RBFOX1: variants seen among roughly 807,000 people sequenced by gnomAD.
RBFOX1 encodes the protein RNA binding protein fox-1 homolog 1.
RBFOX1 carries 8 observed loss-of-function variants against 57.7 expected under a neutral mutation model. That is an observed-to-expected ratio of 0.14 (90% CI 0.08 to 0.25). The LOEUF (loss-of-function observed/expected upper bound fraction) is 0.25, where lower values mean the gene tolerates loss of function less well. Among genes scored for constraint, RBFOX1 ranks in the 10% least tolerant of loss-of-function variants. RBFOX1 has a pLI of 1.00. For synonymous variants in RBFOX1, 326 were observed against 222.4 expected, an observed-to-expected ratio of 1.47 and a Z score of -4.15; for missense variants, 611 against 548.5, an observed-to-expected ratio of 1.11 and a Z score of -1.14.
intron 2 of RBFOX1, among the ~76,000 whole-genome samples, chr16:6,486,088 T>C (rs2095476186): frequency 3.4e-5 from 3 of 89,418 alleles, no homozygotes; most frequent in East Asian, 6.3e-4. Context: ...AAGGCTTTTT[T>C]TTTTTTTTTT....
chr16:5,475,749 T>A (rs900480284), intron 2 of RBFOX1, among the ~76,000 whole-genome samples: 5 of 152,204 alleles, frequency 3.3e-5, no homozygotes, highest in African/African-American at 1.2e-4. Context: ...TACAGCCACA[T>A]ATCTGAGGAA....
At chr16:6,760,730 A>G (rs2076479354) in intron 3 of RBFOX1, among the ~76,000 whole-genome samples, 2 of 152,188 alleles carry the variant, frequency 1.3e-5, no homozygotes, top group Admixed American at 1.3e-4. Context: ...AGGAGGGAAG[A>G]TTAGGGCAAG....
intron 2 of RBFOX1, among the ~76,000 whole-genome samples, chr16:6,568,523 C>T (rs1345736962): frequency 6.6e-6 from 1 of 152,124 alleles, no homozygotes; most frequent in Non-Finnish European, 1.5e-5. Flanking sequence ...ACCATCACTT[C>T]TGCCATGTTC....
chr16:7,029,363 A>T (rs904554962), intron 3 of RBFOX1, among the ~76,000 whole-genome samples: 16 of 150,604 alleles, frequency 1.1e-4, no homozygotes, highest in Non-Finnish European at 2.2e-4. Flanking sequence ...TTTGGCCCTG[A>T]TAGAAGAAAG....
chr16:7,611,456 G>A (rs1463024032), intron 10 of RBFOX1, among the ~76,000 whole-genome samples: 1 of 151,958 alleles, frequency 6.6e-6, no homozygotes, highest in East Asian at 1.9e-4. Flanking sequence ...GTGTGCCCCT[G>A]TAATACCAGC....
intron 14 of RBFOX1, among the ~76,000 whole-genome samples, chr16:7,703,246 A>G (rs902240199): frequency 1.3e-5 from 2 of 152,174 alleles, no homozygotes; most frequent in South Asian, 4.1e-4. Flanking sequence ...CATTGCAGAG[A>G]CCCGGGCCAT....
At chr16:6,830,179 A>G (rs2092604093) in intron 3 of RBFOX1, among the ~76,000 whole-genome samples, 1 of 152,082 alleles carries the variant, frequency 6.6e-6, no homozygotes, top group Non-Finnish European at 1.5e-5. Context: ...AGCCTCCCAA[A>G]GTGCTGGGAT....
chr16:5,648,069 A>G (rs1156670282), intron 3 of RBFOX1, among the ~76,000 whole-genome samples: 1 of 152,202 alleles, frequency 6.6e-6, no homozygotes, highest in Admixed American at 6.5e-5. Context: ...TGTATTGGCC[A>G]GGCTGTTCTC....
At chr16:6,586,873 A>C (rs966409615) in intron 2 of RBFOX1, among the ~76,000 whole-genome samples, 4 of 152,220 alleles carry the variant, frequency 2.6e-5, no homozygotes, top group African/African-American at 7.2e-5. Context: ...AGTCTTTAAA[A>C]TATTTAACAT....
At chr16:7,671,379 A>G (rs2071381640) in intron 13 of RBFOX1, among the ~76,000 whole-genome samples, 1 of 152,206 alleles carries the variant, frequency 6.6e-6, no homozygotes, top group African/African-American at 2.4e-5. Flanking sequence ...ATTTGCAACT[A>G]AAAATGTTTG....
chr16:5,473,940 A>T lies in RBFOX1; in HGVS notation c.258+6686A>T, dbSNP rs1368615839. 2.4e-5 allele frequency among the ~76,000 whole-genome samples: 3 copies of T among 127,242 alleles called. No individual in the cohort carries two copies. In the Admixed American group the frequency reaches 2.5e-4, roughly 11 times the overall value. The allele number at this position is 127,242 out of a possible 152,430, so 83.5% of individuals were successfully genotyped here. ...GAAGGGTGGGTGGGTAGGTAGATGG[A>T]TGGATGGGTGGGTGGGTGATGGGTG... On this transcript the variant is annotated intron_variant, in intron 2 of 2. Coordinates refer to the RBFOX1 transcript ENST00000585867.
In RBFOX1 at chr16:7,075,062, C is replaced by T. The variant is rs943242100; in HGVS notation, c.27+22964C>T. On this transcript the variant is annotated intron_variant, in intron 4 of 15. Coordinates refer to ENST00000550418, the MANE Select transcript of RBFOX1 (RefSeq NM_018723.4). ...CTCCCCAAAGCGTAAAAGCAACATACGGCAAATTCGATAGTAGCCAAGATG... is the reference window on the plus strand; with the variant it reads ...CTCCCCAAAGCGTAAAAGCAACATATGGCAAATTCGATAGTAGCCAAGATG... Among the ~76,000 whole-genome samples, 18 of 152,256 alleles carry T rather than the reference C, an allele frequency of 1.2e-4. No individual in the cohort carries two copies. The South Asian group carries it at 1.5e-3, about 12-fold the overall frequency.
At chr16:5,562,513 C>G (rs1355120341) in intron 2 of RBFOX1, among the ~76,000 whole-genome samples, 2 of 152,012 alleles carry the variant, frequency 1.3e-5, no homozygotes, top group Non-Finnish European at 2.9e-5. Context: ...GGGGGAGGAC[C>G]TGGGGGAGAC....
chr16:5,364,093 G>C (rs1216861190), intron 1 of RBFOX1, among the ~76,000 whole-genome samples: 25 of 152,182 alleles, frequency 1.6e-4, no homozygotes, highest in Non-Finnish European at 2.9e-5. Context: ...TGGCAGCCAG[G>C]TCCCCTTAAT....
intron 3 of RBFOX1, among the ~76,000 whole-genome samples, chr16:6,762,273 G>T (rs78585848): frequency 6.6e-6 from 1 of 152,184 alleles, no homozygotes; most frequent in Admixed American, 6.5e-5. Context: ...GTAGTGTCTA[G>T]AGTGCAGACT....
At chr16:5,572,545 G>C (rs2046317207) in intron 2 of RBFOX1, among the ~76,000 whole-genome samples, 1 of 152,196 alleles carries the variant, frequency 6.6e-6, no homozygotes, top group Non-Finnish European at 1.5e-5. Context: ...ATGACAACCA[G>C]AATCTCTCCA....
At chr16:5,559,704 C>A (rs565434005) in intron 2 of RBFOX1, among the ~76,000 whole-genome samples, 9 of 152,182 alleles carry the variant, frequency 5.9e-5, no homozygotes, top group Non-Finnish European at 1.2e-4. Context: ...CTTCCCAAAT[C>A]TCTTTCTTCC....
At chr16:6,865,170 T>G (rs2059707036) in intron 3 of RBFOX1, among the ~76,000 whole-genome samples, 1 of 151,758 alleles carries the variant, frequency 6.6e-6, no homozygotes, top group African/African-American at 2.4e-5. Flanking sequence ...TCCTGGGTAA[T>G]TTTTGTACTT....
chr16:7,009,184 C>G (rs1212660438), intron 3 of RBFOX1, among the ~76,000 whole-genome samples: 1 of 114,216 alleles, frequency 8.8e-6, no homozygotes, highest in Non-Finnish European at 1.8e-5. Flanking sequence ...CTTGCTCTTT[C>G]TCTTTCTCTC....
Sources: gnomAD v4.1 joint callset for allele counts (sites outside exome capture counted in the v4.1 genomes callset) on GRCh38, gnomAD v4.1.1 for gene constraint, MANE v1.5 for transcripts, NCBI Gene and HGNC (gene_info 2026-07-23, HGNC 2026-07-21) for gene names.